DNAJC5B: variants seen among roughly 807,000 people sequenced by gnomAD.
DNAJC5B encodes DnaJ heat shock protein family (Hsp40) member C5 beta, also known as dnaJ homolog subfamily C member 5B.
DNAJC5B carries 23 observed loss-of-function variants against 24.7 expected under a neutral mutation model. That is an observed-to-expected ratio of 0.93 (90% confidence interval 0.67 to 1.32). The LOEUF (loss-of-function observed/expected upper bound fraction) is 1.32. DNAJC5B is among the 40% of genes most tolerant of loss of function. DNAJC5B has a pLI of 0.00. For missense variants in DNAJC5B, 238 were observed against 240.8 expected (o/e 0.99, Z 0.08); for synonymous variants, 101 against 90.1 (o/e 1.12, Z -0.68).
chr8:66,033,238 T>C (rs1279615876), intron 1 of DNAJC5B, among the ~76,000 whole-genome samples: 1 of 152,250 alleles, frequency 6.6e-6, no homozygotes, highest in Non-Finnish European at 1.5e-5. Context: ...CTGTTTTGCA[T>C]ATTTGCCTCC....
chr8:66,094,652 C>G (rs1221143517), intron 5 of DNAJC5B, among the ~76,000 whole-genome samples: 2 of 151,750 alleles, frequency 1.3e-5, no homozygotes, highest in African/African-American at 4.8e-5. Flanking sequence ...GTATGTGAAC[C>G]CAGTTTTTGT....
chr8:66,069,622 C>T (rs1261220357), intron 3 of DNAJC5B, among the ~76,000 whole-genome samples: 3 of 152,056 alleles, frequency 2.0e-5, no homozygotes, highest in Non-Finnish European at 4.4e-5. Flanking sequence ...CCAAATTCTA[C>T]CAGAGGTACA....
chr8:66,073,151 A>T (rs1341313356), intron 3 of DNAJC5B, among the ~76,000 whole-genome samples: 1 of 152,170 alleles, frequency 6.6e-6, no homozygotes, highest in Non-Finnish European at 1.5e-5. Context: ...TTATAATTTA[A>T]TAAAATTTGG....
intron 3 of DNAJC5B, chr8:66,057,692 A>G (rs960331916): frequency 8.5e-5 from 13 of 152,242 alleles, no homozygotes; most frequent in African/African-American, 2.9e-4. Flanking sequence ...GGGAGAAACA[A>G]TGCATGGCCA....
chr8:66,071,687 A>G (rs1807352111), intron 3 of DNAJC5B, among the ~76,000 whole-genome samples: 1 of 152,194 alleles, frequency 6.6e-6, no homozygotes, highest in African/African-American at 2.4e-5. Context: ...TGACCCAGCA[A>G]TCCCATTACT....
At chr8:66,021,305 A>G (rs1008333578), upstream of DNAJC5B, among the ~76,000 whole-genome samples, 2 of 152,112 alleles carry the variant, frequency 1.3e-5, no homozygotes, top group African/African-American at 2.4e-5. Flanking sequence ...CACAGTTAAG[A>G]TCCCATAATT....
chr8:66,036,302 G>A (rs540288393), intron 1 of DNAJC5B, among the ~76,000 whole-genome samples: 1 of 152,168 alleles, frequency 6.6e-6, no homozygotes, highest in Non-Finnish European at 1.5e-5. Flanking sequence ...TCTCTCAGGG[G>A]TCTTTTGTCT....
chr8:66,088,712 T>C (rs1195385513), intron 5 of DNAJC5B, among the ~76,000 whole-genome samples: 1 of 152,092 alleles, frequency 6.6e-6, no homozygotes, highest in African/African-American at 2.4e-5. Flanking sequence ...GTTCCATAGA[T>C]CTCTAGGGCA....
At chr8:66,054,033 A>G (rs937103562) in intron 3 of DNAJC5B, among the ~76,000 whole-genome samples, 2 of 150,950 alleles carry the variant, frequency 1.3e-5, no homozygotes, top group South Asian at 2.1e-4. Context: ...TTATTTTGTA[A>G]TTTATTTAGT....
chr8:66,051,066 T>G (rs879844412), intron 2 of DNAJC5B, among the ~76,000 whole-genome samples: 2 of 152,256 alleles, frequency 1.3e-5, no homozygotes, highest in Non-Finnish European at 2.9e-5. Context: ...CTTGAACTTA[T>G]TCCTCCTATT....
At chr8:66,097,002 C>A (rs1243582613) in intron 5 of DNAJC5B, among the ~76,000 whole-genome samples, 1 of 152,098 alleles carries the variant, frequency 6.6e-6, no homozygotes, top group Non-Finnish European at 1.5e-5. Context: ...GTTACACAGT[C>A]TGTGCCCATT....
intron 1 of DNAJC5B, among the ~76,000 whole-genome samples, chr8:66,028,238 G>A (rs1473108632): frequency 6.6e-6 from 1 of 152,158 alleles, no homozygotes; most frequent in African/African-American, 2.4e-5. Flanking sequence ...TTTGGCCCCG[G>A]CACAACCGCT....
chr8:66,023,381 A>G (rs1054999281), intron 1 of DNAJC5B, among the ~76,000 whole-genome samples: 1 of 152,218 alleles, frequency 6.6e-6, no homozygotes, highest in African/African-American at 2.4e-5. Context: ...CCTCCATACA[A>G]GATAAGCTTT....
chr8:66,055,203 T>G (rs1193251033), intron 3 of DNAJC5B, among the ~76,000 whole-genome samples: 1 of 152,032 alleles, frequency 6.6e-6, no homozygotes, highest in Non-Finnish European at 1.5e-5. Context: ...TTTTTTCAGG[T>G]GATTAGGGTA....
At chr8:66,032,031 C>A (rs1437498495) in intron 1 of DNAJC5B, among the ~76,000 whole-genome samples, 2 of 152,250 alleles carry the variant, frequency 1.3e-5, no homozygotes, top group Non-Finnish European at 2.9e-5. Context: ...CCCATTTACT[C>A]CACAGCTGTT....
chr8:66,085,871 GT>G (rs1418589103), intron 5 of DNAJC5B, among the ~76,000 whole-genome samples: 2 of 152,130 alleles, frequency 1.3e-5, no homozygotes, highest in South Asian at 4.1e-4. Flanking sequence ...CATTAAATTT[GT>G]AGATCAGCTT....
At chr8:66,066,063 T>C (rs900072948) in intron 3 of DNAJC5B, among the ~76,000 whole-genome samples, 1 of 152,152 alleles carries the variant, frequency 6.6e-6, no homozygotes, top group Admixed American at 6.6e-5. Context: ...TTTTAGATAA[T>C]TGGATGTGTT....
chr8:66,034,847 G>A (rs1223623424), intron 1 of DNAJC5B, among the ~76,000 whole-genome samples: 1 of 152,140 alleles, frequency 6.6e-6, no homozygotes, highest in Non-Finnish European at 1.5e-5. Flanking sequence ...TTAGGGTAAT[G>A]GAGGCCCAGA....
At chr8:66,077,877 C>G (rs1438263747) in intron 4 of DNAJC5B, among the ~76,000 whole-genome samples, 1 of 152,156 alleles carries the variant, frequency 6.6e-6, no homozygotes, top group East Asian at 1.9e-4. Context: ...CTGGGATTCC[C>G]CTTTGAAACC....
Sources: gnomAD v4.1 joint callset for allele counts (sites outside exome capture counted in the v4.1 genomes callset) on GRCh38, gnomAD v4.1.1 for gene constraint, MANE v1.5 for transcripts, NCBI Gene and HGNC (gene_info 2026-07-23, HGNC 2026-07-21) for gene names.